RABGAP1L: variants seen among roughly 807,000 people sequenced by gnomAD.
RABGAP1L encodes the protein rab GTPase-activating protein 1-like.
RABGAP1L carries 63 observed loss-of-function variants against 137.7 expected under a neutral mutation model. The observed-to-expected ratio is 0.46, with a 90% CI of 0.37 to 0.56. RABGAP1L has a LOEUF of 0.56. Ranked by LOEUF, RABGAP1L falls within the 20% of genes least tolerant of loss-of-function variation. The probability of loss-of-function intolerance (pLI) is 0.00; values close to 1 mark genes in which losing one functional copy is unlikely to be tolerated. For missense variants in RABGAP1L, 1,095 were observed against 1,244.0 expected (o/e 0.88, Z 1.80); for synonymous variants, 431 against 433.7 (o/e 0.99, Z 0.08).
rs370418938 is a variant in RABGAP1L at position 174,309,879 on chromosome 1, G to T, written c.1465+4752G>T. Among the ~76,000 whole-genome samples the T allele has an allele frequency of 4.6e-5, 7 of 152,218 alleles. No individual in the cohort carries two copies. The East Asian group carries it at 9.6e-4, about 21-fold the overall frequency. Reference sequence around the variant, plus strand: ...TAGTGTAATGCTGGCCTCATAAAATGAGATTGGAATTACTCTGTTCTCTTG... The same window carrying T: ...TAGTGTAATGCTGGCCTCATAAAATTAGATTGGAATTACTCTGTTCTCTTG... On this transcript the variant is annotated intron_variant, in intron 11 of 25. Coordinates refer to ENST00000681986, the MANE Select transcript of RABGAP1L (RefSeq NM_001366446.1).
At chr1:174,295,154 TG>T (rs1677002775) in intron 10 of RABGAP1L, among the ~76,000 whole-genome samples, 1 of 151,910 alleles carries the variant, frequency 6.6e-6, no homozygotes, top group African/African-American at 2.4e-5. Flanking sequence ...CCTGACCTCA[TG>T]ATCCGCCCAC....
At chr1:174,950,814 G>C (rs750394376) in intron 19 of RABGAP1L, among the ~76,000 whole-genome samples, 4 of 152,128 alleles carry the variant, frequency 2.6e-5, no homozygotes, top group Non-Finnish European at 5.9e-5. Context: ...CACCTGAACT[G>C]AGCACCAGGA....
Position 174,660,172 on chromosome 1 carries a change from G to A in RABGAP1L, c.1824+22684G>A, listed in dbSNP as rs560034589. 4.6e-5 allele frequency among the ~76,000 whole-genome samples: 7 copies of A among 152,260 alleles called. No individual in the cohort carries two copies. In the East Asian group the frequency reaches 1.2e-3, roughly 25 times the overall value. On this transcript the variant is annotated intron_variant, in intron 14 of 25. Coordinates refer to ENST00000681986, the MANE Select transcript of RABGAP1L (RefSeq NM_001366446.1). ...GTGCTGCAAGTGAAGGACCTTGTTC[G>A]CTCTCCACCAGGGACAGAAATAGCA...
chr1:174,340,834 T>C (rs1681908921), intron 11 of RABGAP1L, among the ~76,000 whole-genome samples: 1 of 152,240 alleles, frequency 6.6e-6, no homozygotes, highest in Non-Finnish European at 1.5e-5. Flanking sequence ...TCTAGATCTT[T>C]CGGGAATTGC....
chr1:174,526,278 T>A lies in RABGAP1L; in HGVS notation c.1711-111097T>A, dbSNP rs367702550. 3.3e-5 allele frequency among the ~76,000 whole-genome samples: 5 copies of A among 152,196 alleles called. No individual in the cohort carries two copies. In the South Asian group the frequency reaches 8.3e-4, roughly 25 times the overall value. On this transcript the variant is annotated intron_variant, in intron 13 of 25. Transcript: ENST00000681986. ...TTTACATCTGTGTTCTTCAAAGATA[T>A]TGACCTATAGTTTTTTGTTGTTGTT...
intron 17 of RABGAP1L, among the ~76,000 whole-genome samples, chr1:174,739,356 T>C (rs1683203673): frequency 6.6e-6 from 1 of 152,200 alleles, no homozygotes; most frequent in Admixed American, 6.5e-5. Flanking sequence ...TTGTGCTTTC[T>C]AAAAAAGTTG....
intron 19 of RABGAP1L, among the ~76,000 whole-genome samples, chr1:174,940,829 C>A (rs1305194948): frequency 6.6e-6 from 1 of 152,152 alleles, no homozygotes; most frequent in African/African-American, 2.4e-5. Flanking sequence ...TTCTCATATC[C>A]AGAATGGATG....
At chr1:174,287,996 C>T (rs1046063464) in intron 10 of RABGAP1L, among the ~76,000 whole-genome samples, 1 of 151,916 alleles carries the variant, frequency 6.6e-6, no homozygotes, top group Non-Finnish European at 1.5e-5. Context: ...GTATCTACTG[C>T]AGGATTTTGC....
chr1:174,680,274 G>T (rs2148471585), intron 14 of RABGAP1L, among the ~76,000 whole-genome samples: 1 of 152,344 alleles, frequency 6.6e-6, no homozygotes, highest in African/African-American at 2.4e-5. Context: ...GCCTTTGGTA[G>T]GTGATTGCAT....
At chr1:174,619,928 T>A (rs1407910853) in intron 13 of RABGAP1L, among the ~76,000 whole-genome samples, 1 of 151,848 alleles carries the variant, frequency 6.6e-6, no homozygotes, top group African/African-American at 2.4e-5. Context: ...AGGCTCACAA[T>A]AAGGGACGGA....
At chr1:174,378,612 C>T (rs998501804) in intron 12 of RABGAP1L, among the ~76,000 whole-genome samples, 3,095 of 152,054 alleles carry the variant, frequency 0.02, 102 homozygotes, top group African/African-American at 0.07. Flanking sequence ...TCATGTCCTT[C>T]GCCCACTTTT....
At chr1:174,836,394 G>A (rs1692756538) in intron 19 of RABGAP1L, among the ~76,000 whole-genome samples, 1 of 152,114 alleles carries the variant, frequency 6.6e-6, no homozygotes, top group South Asian at 2.1e-4. Flanking sequence ...GTATTCTTCT[G>A]TAGCTATTTC....
At chr1:174,548,173 C>G in intron 13 of RABGAP1L, 1 of 1,460,506 alleles carries the variant, frequency 6.8e-7, no homozygotes, top group African/African-American at 1.4e-5. Flanking sequence ...CATTTTACAA[C>G]CTGTGTGCAT....
chr1:174,339,289 A>G (rs2064150), intron 11 of RABGAP1L, among the ~76,000 whole-genome samples: 34,222 of 152,102 alleles, frequency 0.22, 4,092 homozygotes, highest in Admixed American at 0.25. Flanking sequence ...GAAAATCTCT[A>G]TGAAAGGAAA....
Position 174,929,696 on chromosome 1 carries a change from T to C in RABGAP1L, c.2341-27761T>C, listed in dbSNP as rs547093141. ...AGGTCGAGGCTACAGTGAGCTATGA[T>C]CATATCACTGCGCTATATTCCAGCC... On this transcript the variant is annotated intron_variant, in intron 19 of 25. Transcript: ENST00000681986. 8.6e-5 allele frequency among the ~76,000 whole-genome samples: 13 copies of C among 151,276 alleles called. No individual in the cohort carries two copies. In the East Asian group the frequency reaches 1.9e-3, roughly 23 times the overall value.
intron 13 of RABGAP1L, among the ~76,000 whole-genome samples, chr1:174,524,663 T>C (rs1378392545): frequency 6.6e-6 from 1 of 152,124 alleles, no homozygotes; most frequent in East Asian, 1.9e-4. Flanking sequence ...TCCCCTTGTT[T>C]ATTTTTGTTT....
chr1:174,342,259 T>C (rs895630580), intron 11 of RABGAP1L, among the ~76,000 whole-genome samples: 1 of 152,172 alleles, frequency 6.6e-6, no homozygotes, highest in Non-Finnish European at 1.5e-5. Context: ...GATAGAGTTC[T>C]TATTGTTGTT....
chr1:174,931,140 C>A (rs1663725581), intron 19 of RABGAP1L, among the ~76,000 whole-genome samples: 1 of 152,010 alleles, frequency 6.6e-6, no homozygotes, highest in African/African-American at 2.4e-5. Context: ...GGGTATTTTA[C>A]AATATACTGT....
intron 16 of RABGAP1L, chr1:174,701,260 C>A: frequency 8.1e-7 from 1 of 1,227,228 alleles, no homozygotes; most frequent in Non-Finnish European, 1.1e-6. Context: ...AGAAGATATC[C>A]AATTTTATAT....
Sources: gnomAD v4.1 joint callset for allele counts (sites outside exome capture counted in the v4.1 genomes callset) on GRCh38, gnomAD v4.1.1 for gene constraint, MANE v1.5 for transcripts, NCBI Gene and HGNC (gene_info 2026-07-23, HGNC 2026-07-21) for gene names.